The following PDZD8 variants were observed in gnomAD, a reference collection of about 807,000 sequenced individuals.
PDZD8 encodes the protein PDZ domain containing 8.
In PDZD8, 14 loss-of-function variants were observed where a neutral mutation model predicts 85.8. That is an observed-to-expected ratio of 0.16 (90% CI 0.11 to 0.26). The LOEUF (loss-of-function observed/expected upper bound fraction) is 0.26. Among genes scored for constraint, PDZD8 ranks in the 10% least tolerant of loss-of-function variants. The pLI, the probability that PDZD8 is intolerant of heterozygous loss-of-function variation, is 1.00. For synonymous variants in PDZD8, 592 were observed against 568.6 expected (o/e 1.04, Z -0.59); for missense variants, 1,197 against 1,424.3 (o/e 0.84, Z 2.57).
At chr10:117,367,743 G>A (rs1845114827) in intron 1 of PDZD8, among the ~76,000 whole-genome samples, 1 of 152,104 alleles carries the variant, frequency 6.6e-6, no homozygotes, top group Non-Finnish European at 1.5e-5. Context: ...AGACCAGCCT[G>A]CCCAACATGG....
In PDZD8 at chr10:117,374,341, CG is replaced by C. The variant is rs1349560791; in HGVS notation, c.872+14del. 1.5e-5 allele frequency: 24 copies of C among 1,608,658 alleles called. No homozygotes were observed. The highest frequency in any genetic ancestry group is 1.8e-5 in the Non-Finnish European group (21 of 1,175,940). On this transcript the variant is annotated intron_variant, in intron 1 of 4. Coordinates refer to ENST00000334464, the MANE Select transcript of PDZD8 (RefSeq NM_173791.5). This position sits in a 1 kb window ranked among gnomAD's most constrained non-coding sequence, Gnocchi z 7.8. ...GTTCCCGGCAGCCAGGCCCCCTCCC[CG>C]ACCTCCAGCTCACCTGATCTTGTAA... is the stretch of plus-strand genomic sequence containing the variant.
At chr10:117,337,790 T>C (rs1363159814) in intron 2 of PDZD8, among the ~76,000 whole-genome samples, 46 of 152,190 alleles carry the variant, frequency 3.0e-4, no homozygotes, top group Non-Finnish European at 1.5e-5. Flanking sequence ...CCCTTGCCCA[T>C]TTCACAGATG....
chr10:117,279,623 C>G lies in PDZD8; in HGVS notation c.*3645G>C, dbSNP rs1844550255. On this transcript the variant is annotated 3_prime_UTR_variant, in exon 5 of 5. Coordinates refer to ENST00000334464, the MANE Select transcript of PDZD8 (RefSeq NM_173791.5). ...ATTTATTTTAAATTGAGATATGTAA[C>G]TAGCCACATTCAATGTGGAAAAAAA... The G allele has an allele frequency of 6.6e-6, 1 of 152,182 alleles. No individual in the cohort carries two copies. The highest frequency in any genetic ancestry group is 2.4e-5 in the African/African-American group (1 of 41,442). 9.4% of individuals were successfully genotyped at this position (152,182 alleles called of 1,614,324 possible).
At chr10:117,293,275 CTA>C (rs1404910660) in intron 3 of PDZD8, among the ~76,000 whole-genome samples, 1 of 151,976 alleles carries the variant, frequency 6.6e-6, no homozygotes, top group Non-Finnish European at 1.5e-5. Context: ...ATGTATGCAT[CTA>C]TATCTTAAAA....
chr10:117,336,007 G>A (rs1278264062), intron 2 of PDZD8, among the ~76,000 whole-genome samples: 1 of 152,162 alleles, frequency 6.6e-6, no homozygotes, highest in Non-Finnish European at 1.5e-5. Flanking sequence ...AAATGCTTAG[G>A]ACCAGGAGTG....
intron 1 of PDZD8, among the ~76,000 whole-genome samples, chr10:117,365,436 T>A (rs572514375): frequency 6.6e-6 from 1 of 152,286 alleles, no homozygotes; most frequent in South Asian, 2.1e-4. Flanking sequence ...GGAAGAATAG[T>A]TCCCGAATTT....
At chr10:117,324,208 C>CAAAAAAAAAAAAAAAAAAA (rs60898350) in intron 2 of PDZD8, among the ~76,000 whole-genome samples, 1 of 29,236 alleles carries the variant, frequency 3.4e-5, no homozygotes, top group Non-Finnish European at 6.5e-5. Context: ...GACTCCATCT[C>CAAAAAAAAAAAAAAAAAAA]AAAAAAAAAA....
intron 1 of PDZD8, among the ~76,000 whole-genome samples, chr10:117,364,472 C>A (rs915551795): frequency 1.4e-5 from 2 of 140,616 alleles, no homozygotes; most frequent in Admixed American, 7.2e-5. Context: ...CACAGACAGA[C>A]ACACACGCAC....
chr10:117,366,242 T>C (rs2133887393), intron 1 of PDZD8, among the ~76,000 whole-genome samples: 1 of 152,190 alleles, frequency 6.6e-6, no homozygotes, highest in South Asian at 2.1e-4. Flanking sequence ...TATACTTCTG[T>C]TTGTGTTTAT....
At chr10:117,364,912 G>A (rs999502426) in intron 1 of PDZD8, among the ~76,000 whole-genome samples, 3 of 151,752 alleles carry the variant, frequency 2.0e-5, no homozygotes, top group South Asian at 2.1e-4. Context: ...GGGAGTGAAA[G>A]TGGGGGCAGG....
At chr10:117,305,132 G>C (rs987902151) in intron 3 of PDZD8, among the ~76,000 whole-genome samples, 1 of 152,118 alleles carries the variant, frequency 6.6e-6, no homozygotes, top group African/African-American at 2.4e-5. Context: ...AGTATTCTTG[G>C]CTGGGCATGG....
chr10:117,365,096 GCTC>G (rs1216597305), intron 1 of PDZD8, among the ~76,000 whole-genome samples: 9 of 150,594 alleles, frequency 6.0e-5, no homozygotes, highest in African/African-American at 2.2e-4. Flanking sequence ...ACTTCTTTAT[GCTC>G]CTCAATACTA....
chr10:117,375,222 C>A lies in PDZD8; in HGVS notation c.6G>T (p.Gly2=). 2 of 1,490,968 alleles carry A rather than the reference C, an allele frequency of 1.3e-6. No homozygotes were observed. The highest frequency in any genetic ancestry group is 1.4e-5 in the African/African-American group (1 of 70,722). 92.4% of individuals were successfully genotyped at this position (1,490,968 alleles called of 1,614,324 possible). M[G]LLLMILASAV... ...CCGACGCCAGGATCATGAGCAGCAG[C>A]CCCATCCCGCCACCGCCTCCGCCCG... The change falls in exon 1 of 5, where the codon GGG becomes GGT. Residue 2 remains glycine, a synonymous_variant. Coordinates refer to ENST00000334464, the MANE Select transcript of PDZD8 (RefSeq NM_173791.5).
chr10:117,356,428 G>T (rs1385580527), intron 1 of PDZD8, among the ~76,000 whole-genome samples: 2 of 152,128 alleles, frequency 1.3e-5, no homozygotes, highest in Non-Finnish European at 2.9e-5. Flanking sequence ...GATGTGAAAG[G>T]TAATTCCACA....
At chr10:117,320,172 G>T (rs1485566503) in intron 2 of PDZD8, among the ~76,000 whole-genome samples, 2 of 152,026 alleles carry the variant, frequency 1.3e-5, no homozygotes, top group Non-Finnish European at 2.9e-5. Context: ...TCAAAAAGAA[G>T]GCAGTCCAAA....
chr10:117,367,375 C>T (rs2133889215), intron 1 of PDZD8, among the ~76,000 whole-genome samples: 1 of 152,096 alleles, frequency 6.6e-6, no homozygotes, highest in East Asian at 1.9e-4. Context: ...AGCGCCACCG[C>T]ACTCCAGCCT....
chr10:117,297,284 CA>C (rs1391825529), intron 3 of PDZD8, among the ~76,000 whole-genome samples: 1 of 152,104 alleles, frequency 6.6e-6, no homozygotes, highest in Non-Finnish European at 1.5e-5. Flanking sequence ...GGATGTGAAG[CA>C]ACTAAAACTC....
chr10:117,287,358 T>C (rs1423282403), intron 4 of PDZD8, among the ~76,000 whole-genome samples: 1 of 152,190 alleles, frequency 6.6e-6, no homozygotes, highest in Non-Finnish European at 1.5e-5. Flanking sequence ...CACCCTTTTT[T>C]GCTCTCTCCC....
rs1008240285 is a variant in PDZD8, at chr10:117,277,900, G to A, written c.*5368C>T. The A allele has an allele frequency of 6.6e-6, 1 of 152,186 alleles. No homozygotes were observed. The highest frequency in any genetic ancestry group is 6.5e-5 in the Admixed American group (1 of 15,278). 9.4% of individuals were successfully genotyped at this position (152,186 alleles called of 1,614,324 possible). A position where few individuals can be genotyped will look rare whatever the true frequency, so the allele number is the denominator to read the frequency against. ...TGTAATCACCTACCTAGAGAGAGTT[G>A]TAAATTATATGTTAACATGTTATCT... On this transcript the variant is annotated 3_prime_UTR_variant, in exon 5 of 5. Transcript: ENST00000334464.
Sources: allele counts gnomAD v4.1 joint callset (sites outside exome capture counted in the v4.1 genomes callset), GRCh38; gene constraint gnomAD v4.1.1; non-coding constraint Gnocchi (gnomAD v3.1); transcripts MANE v1.5; gene names NCBI Gene and HGNC (gene_info 2026-07-23, HGNC 2026-07-21).